The following EPM2AIP1 variants were observed in gnomAD, a reference collection of about 807,000 sequenced individuals.
EPM2AIP1 encodes EPM2A-interacting protein 1.
EPM2AIP1 carries 23 observed loss-of-function variants against 44.8 expected under a neutral mutation model. That is an observed-to-expected ratio of 0.51 (90% CI 0.37 to 0.73). EPM2AIP1 has a LOEUF of 0.73. Ranked by LOEUF, EPM2AIP1 falls within the 30% of genes least tolerant of loss-of-function variation. The pLI is 0.00. For synonymous variants in EPM2AIP1, 311 were observed against 284.3 expected (o/e 1.09, Z -0.94); for missense variants, 652 against 743.9 (o/e 0.88, Z 1.44).
In EPM2AIP1 at chr3:36,992,523, C is replaced by A. The variant is rs759313495; in HGVS notation, c.555G>T (p.Val185=). ...YSLALDDQAF[V]AYENYLLVFI... is the part of the protein sequence containing the mutation. The stretch of plus-strand genomic sequence containing the variant: ...AGACCAGGAGGTAGTTCTCATAGGC[C>A]ACAAAAGCCTGGTCGTCCAAGGCAA... Residue 185 remains valine (V), a synonymous_variant, in exon 1 of 1, where the codon GTG becomes GTT. Transcript: ENST00000322716. This position sits in a 1 kb window ranked among gnomAD's most constrained non-coding sequence, Gnocchi z 5.3. 48 of 1,613,862 alleles carry A rather than the reference C, an allele frequency of 3.0e-5. No homozygotes were observed. Among genetic ancestry groups the A allele is most frequent in the Non-Finnish European group, 3.9e-5 (46 of 1,179,886 alleles).
At position 36,987,429 on chromosome 3, in the gene EPM2AIP1, TAAAAA is replaced by T. The variant is rs10575530; in HGVS notation, c.*3820_*3824del. 2.0e-4 allele frequency: 28 copies of T among 141,714 alleles called. 1 individual carries two copies. Among genetic ancestry groups the T allele is most frequent in the African/African-American group, 4.1e-4 (16 of 38,938 alleles). 8.8% of individuals were successfully genotyped at this position (141,714 alleles called of 1,614,324 possible). A position where few individuals can be genotyped will look rare whatever the true frequency, so the allele number is the denominator to read the frequency against. On this transcript the variant is annotated 3_prime_UTR_variant, in exon 1 of 1. Coordinates refer to ENST00000322716, the MANE Select transcript of EPM2AIP1 (RefSeq NM_014805.4). The stretch of plus-strand genomic sequence containing the variant: ...CTATATGTAGGTTCCTTTGGAAATT[TAAAAA>T]AAAAAAAAAAATATATATATATATA...
rs923574927 is a variant in EPM2AIP1, at chr3:36,992,253, G to C, written c.825C>G (p.Val275=). 1 of 1,613,990 alleles carries C rather than the reference G, an allele frequency of 6.2e-7. No individual in the cohort carries two copies. The highest frequency in any genetic ancestry group is 8.5e-7 in the Non-Finnish European group (1 of 1,179,902). Residue 275 remains valine (V), a synonymous_variant, in exon 1 of 1, where the codon GTC becomes GTG. Transcript: ENST00000322716. The surrounding 1 kb of genome is among the most constrained non-coding windows in gnomAD (Gnocchi z 5.3). ...AGTGAAGAAATCCTGAATAATGAAT[G>C]ACATTCCAACAGTTGGGGCTTACGG... ...EKAVSPNCWN[V]IHYSGFLHLE...
rs1371193947 is a variant in EPM2AIP1, at chr3:36,990,087, A to G, written c.*1167T>C. On this transcript the variant is annotated 3_prime_UTR_variant, in exon 1 of 1. Transcript: ENST00000322716. ...ACTTTAAGATTGCCTTTTCATGGTG[A>G]ACAGAAGTTTGGAAATTACTGTTTT... 1 of 152,256 alleles carries G rather than the reference A, an allele frequency of 6.6e-6. No individual in the cohort carries two copies. Among genetic ancestry groups the G allele is most frequent in the East Asian group, 1.9e-4 (1 of 5,206 alleles). The allele number at this position is 152,256 out of a possible 1,614,324, so 9.4% of individuals were successfully genotyped here.
In EPM2AIP1 at chr3:36,992,316, A is replaced by T; in HGVS notation, c.762T>A (p.Gly254=). Residue 254 remains glycine (G), a synonymous_variant, in exon 1 of 1, where the codon GGT becomes GGA. Coordinates refer to ENST00000322716, the MANE Select transcript of EPM2AIP1 (RefSeq NM_014805.4). This position sits in a 1 kb window ranked among gnomAD's most constrained non-coding sequence, Gnocchi z 5.3. ...LTTTHTLRMI[G]ENSGLVSYMR... ...TGTATGAGACGAGTCCTGAGTTCTC[A>T]CCAATCATCCTCAAAGTATGGGTCG... 6.2e-7 allele frequency: 1 copy of T among 1,613,938 alleles called. No individual in the cohort carries two copies. The highest frequency in any genetic ancestry group is 8.5e-7 in the Non-Finnish European group (1 of 1,179,880).
In EPM2AIP1 at chr3:36,992,676, G is replaced by A. The variant is rs781383643; in HGVS notation, c.402C>T (p.Pro134=). 2 of 1,613,898 alleles carry A rather than the reference G, an allele frequency of 1.2e-6. No individual in the cohort carries two copies. Among genetic ancestry groups the A allele is most frequent in the East Asian group, 4.5e-5 (2 of 44,884 alleles). ...CGCCTTGCAGGACGCTTACATGCTC[G>A]GGCAGTACCTCTCTCAGCAACACCT... The part of the protein sequence containing the change: ...CMEVLLREVL[P]EHVSVLQGVD... The change falls in exon 1 of 1, where the codon CCC becomes CCT. Residue 134 remains proline, a synonymous_variant. Coordinates refer to ENST00000322716, the MANE Select transcript of EPM2AIP1 (RefSeq NM_014805.4). The surrounding 1 kb of genome is among the most constrained non-coding windows in gnomAD (Gnocchi z 5.3).
Position 36,987,744 on chromosome 3 carries a change from T to A in EPM2AIP1, c.*3510A>T, listed in dbSNP as rs1319384638. 2 of 152,228 alleles carry A rather than the reference T, an allele frequency of 1.3e-5. No individual in the cohort carries two copies. The highest frequency in any genetic ancestry group is 4.8e-5 in the African/African-American group (2 of 41,466). 9.4% of individuals were successfully genotyped at this position (152,228 alleles called of 1,614,324 possible). A position where few individuals can be genotyped will look rare whatever the true frequency, so the allele number is the denominator to read the frequency against. ...GTCCCTAGTTACAAAGAACTTGTCTTCATTTTTCAATTAGTAATATGTGGA... is the reference window on the plus strand; with the variant it reads ...GTCCCTAGTTACAAAGAACTTGTCTACATTTTTCAATTAGTAATATGTGGA... On this transcript the variant is annotated 3_prime_UTR_variant, in exon 1 of 1. Transcript: ENST00000322716.
rs2080776557 is a variant in EPM2AIP1, at chr3:36,987,475, A to T, written c.*3779T>A. ...TATATATATATGACACTGTTTACAA[A>T]GGGTAAAAAAAAATAAGATTCTATA... On this transcript the variant is annotated 3_prime_UTR_variant, in exon 1 of 1. Transcript: ENST00000322716. 6.7e-6 allele frequency: 1 copy of T among 149,838 alleles called. No individual in the cohort carries two copies. The highest frequency in any genetic ancestry group is 2.4e-5 in the African/African-American group (1 of 41,082). The allele number at this position is 149,838 out of a possible 1,614,324, so 9.3% of individuals were successfully genotyped here. A position where few individuals can be genotyped will look rare whatever the true frequency, so the allele number is the denominator to read the frequency against.
In EPM2AIP1 at chr3:36,989,694, T is replaced by C. The variant is rs1394229794; in HGVS notation, c.*1560A>G. ...CATTGTGCCAGGCTGTCCCATGCAC[T>C]GCAGGGGTGAGTGTCTTTAGGCTTA... On this transcript the variant is annotated 3_prime_UTR_variant, in exon 1 of 1. Coordinates refer to ENST00000322716, the MANE Select transcript of EPM2AIP1 (RefSeq NM_014805.4). The C allele has an allele frequency of 1.3e-5, 2 of 152,114 alleles. No individual in the cohort carries two copies. The highest frequency in any genetic ancestry group is 4.8e-5 in the African/African-American group (2 of 41,412). 9.4% of individuals were successfully genotyped at this position (152,114 alleles called of 1,614,324 possible).
In EPM2AIP1 at chr3:36,992,795, C is replaced by T; in HGVS notation, c.283G>A (p.Glu95Lys). ...CCGAGGCCTGCACGAGCAGCTCTCT[C>T]TTCAGGAGTGAAGGAGGCCACGGGC... is the stretch of plus-strand genomic sequence containing the variant. ...DLPVASFTPE[E>K]RAARAGLGLC... Residue 95 changes from glutamate to lysine, a missense_variant, in exon 1 of 1, where the codon GAG (glutamate) becomes AAG (lysine). Glu to Lys is a moderately conservative substitution (Grantham distance 56). Transcript: ENST00000322716. This position sits in a 1 kb window ranked among gnomAD's most constrained non-coding sequence, Gnocchi z 5.3. The T allele has an allele frequency of 6.2e-7, 1 of 1,613,386 alleles. No homozygotes were observed.
rs1575363766 is a variant in EPM2AIP1 at position 36,987,325 on chromosome 3, T to G, written c.*3929A>C. ...GATTATTAACTCTTAGGCGGCATTA[T>G]CTTTTTCCAATACTAAATGTAACAT... is the stretch of plus-strand genomic sequence containing the variant. On this transcript the variant is annotated 3_prime_UTR_variant, in exon 1 of 1. Coordinates refer to ENST00000322716, the MANE Select transcript of EPM2AIP1 (RefSeq NM_014805.4). 1 of 152,624 alleles carries G rather than the reference T, an allele frequency of 6.6e-6. No homozygotes were observed. Among genetic ancestry groups the G allele is most frequent in the Middle Eastern group, 3.4e-3 (1 of 292 alleles). 9.5% of individuals were successfully genotyped at this position (152,624 alleles called of 1,614,324 possible). A position where few individuals can be genotyped will look rare whatever the true frequency, so the allele number is the denominator to read the frequency against.
Position 36,991,636 on chromosome 3 carries a change from A to C in EPM2AIP1, c.1442T>G (p.Ile481Ser), listed in dbSNP as rs1196784066. The C allele has an allele frequency of 6.2e-7, 1 of 1,613,516 alleles. No individual in the cohort carries two copies. Among genetic ancestry groups the C allele is most frequent in the Admixed American group, 1.7e-5 (1 of 59,986 alleles). ...FERHFKDLRF[I>S]KKDLELFSNP... ...TGAAAAAAGTTCTAAGTCCTTTTTA[A>C]TGAACCTGAGGTCCTTAAAATGTCT... The change falls in exon 1 of 1, where the codon ATT (isoleucine) becomes AGT (serine). Residue 481 changes from isoleucine to serine, a missense_variant. By Grantham distance (142) the Ile-to-Ser change is moderately radical. Transcript: ENST00000322716.
In EPM2AIP1 at chr3:36,991,771, G is replaced by A. The variant is rs2125688966; in HGVS notation, c.1307C>T (p.Ala436Val). The A allele has an allele frequency of 1.2e-6, 2 of 1,613,404 alleles. No individual in the cohort carries two copies. Among genetic ancestry groups the A allele is most frequent in the South Asian group, 1.1e-5 (1 of 91,022 alleles). ...TAGCTCATCAACAACTTCTCTGAGG[G>A]CAGGAAAGTCTGTTAGATTTTTTTC... Reference protein sequence around the residue: ...IEEKNLTDFPALREVVDELKQ... With the variant: ...IEEKNLTDFPVLREVVDELKQ... The change falls in exon 1 of 1, where the codon GCC becomes GTC. Residue 436 changes from alanine to valine, a missense_variant. Transcript: ENST00000322716.
Position 36,988,886 on chromosome 3 carries a change from C to A in EPM2AIP1, c.*2368G>T, listed in dbSNP as rs1205807635. 1 of 146,766 alleles carries A rather than the reference C, an allele frequency of 6.8e-6. No individual in the cohort carries two copies. Among genetic ancestry groups the A allele is most frequent in the Non-Finnish European group, 1.5e-5 (1 of 67,124 alleles). The allele number at this position is 146,766 out of a possible 1,614,324, so 9.1% of individuals were successfully genotyped here. A position where few individuals can be genotyped will look rare whatever the true frequency, so the allele number is the denominator to read the frequency against. ...ATTTTAACTATATTCACTGCTACAA[C>A]AGGACCAGTAACAACTATATTTATT... On this transcript the variant is annotated 3_prime_UTR_variant, in exon 1 of 1. Coordinates refer to ENST00000322716, the MANE Select transcript of EPM2AIP1 (RefSeq NM_014805.4).
chr3:36,990,770 ACCT>A lies in EPM2AIP1; in HGVS notation c.*481_*483del. ...AAACATTTTGATGGTTAGACAAAAC[ACCT>A]CCACTGTTATGTATGGGCTTCCTTT... On this transcript the variant is annotated 3_prime_UTR_variant, in exon 1 of 1. Transcript: ENST00000322716. The A allele has an allele frequency of 1.0e-6, 1 of 985,494 alleles. No homozygotes were observed. The highest frequency in any genetic ancestry group is 1.7e-5 in the African/African-American group (1 of 57,308). The allele number at this position is 985,494 out of a possible 1,614,324, so 61.0% of individuals were successfully genotyped here.
At position 36,992,078 on chromosome 3, in the gene EPM2AIP1, T is replaced by C. The variant is rs2125689353; in HGVS notation, c.1000A>G (p.Asn334Asp). 6.2e-7 allele frequency: 1 copy of C among 1,614,038 alleles called. No individual in the cohort carries two copies. The highest frequency in any genetic ancestry group is 1.3e-5 in the African/African-American group (1 of 75,056). The change falls in exon 1 of 1, where the codon AAT (asparagine) becomes GAT (aspartate). Residue 334 changes from asparagine (N) to aspartate (D), a missense_variant. By Grantham distance (23) the Asn-to-Asp change is conservative. Coordinates refer to ENST00000322716, the MANE Select transcript of EPM2AIP1 (RefSeq NM_014805.4). The surrounding 1 kb of genome is among the most constrained non-coding windows in gnomAD (Gnocchi z 5.3). ...ESESEHGERV[N>D]GRCLNNWLRR... ...AGCCAATTGTTCAGACATCGTCCAT[T>C]AACCCTTTCACCATGCTCTGATTCA...
chr3:36,993,103 C>A lies in EPM2AIP1; in HGVS notation c.-26G>T, dbSNP rs541166554. 10 of 1,575,394 alleles carry A rather than the reference C, an allele frequency of 6.3e-6. No homozygotes were observed. The highest frequency in any genetic ancestry group is 4.6e-5 in the South Asian group (4 of 86,870). On this transcript the variant is annotated 5_prime_UTR_variant, in exon 1 of 1. Coordinates refer to ENST00000322716, the MANE Select transcript of EPM2AIP1 (RefSeq NM_014805.4). ...TCTGCGGGAGGCCACAAGAGCAGGG[C>A]CAACGTTAGAAAGGCCGCAAGGGGA...
chr3:36,991,706 C>G lies in EPM2AIP1; in HGVS notation c.1372G>C (p.Asp458His). 6.2e-7 allele frequency: 1 copy of G among 1,613,116 alleles called. No individual in the cohort carries two copies. Among genetic ancestry groups the G allele is most frequent in the Non-Finnish European group, 8.5e-7 (1 of 1,179,410 alleles). Residue 458 changes from aspartate (D) to histidine (H), a missense_variant, in exon 1 of 1, where the codon GAT becomes CAT. Asp to His is a moderately conservative substitution (Grantham distance 81). Coordinates refer to ENST00000322716, the MANE Select transcript of EPM2AIP1 (RefSeq NM_014805.4). The stretch of plus-strand genomic sequence containing the variant: ...CGACAGATCACCATTTGATACCTAT[C>G]AGGATCAAATATTTTTTCATCTTCC... ...NKEDEKIFDP[D>H]RYQMVICRLQ... is the part of the protein sequence containing the mutation.
rs1174771671 is a variant in EPM2AIP1, at chr3:36,989,578, T to C, written c.*1676A>G. The stretch of plus-strand genomic sequence containing the variant: ...TCTCCTATCTAGTATTCTGTCAGTT[T>C]GCCCAGCTTGTACTTTTAATTTTGC... On this transcript the variant is annotated 3_prime_UTR_variant, in exon 1 of 1. Transcript: ENST00000322716. 2.0e-5 allele frequency: 3 copies of C among 151,966 alleles called. No individual in the cohort carries two copies. Among genetic ancestry groups the C allele is most frequent in the South Asian group, 4.1e-4 (2 of 4,824 alleles). 9.4% of individuals were successfully genotyped at this position (151,966 alleles called of 1,614,324 possible). A position where few individuals can be genotyped will look rare whatever the true frequency, so the allele number is the denominator to read the frequency against.
rs1419555333 is a variant in EPM2AIP1, at chr3:36,991,539, G to A, written c.1539C>T (p.Asn513=). 6.2e-7 allele frequency: 1 copy of A among 1,613,714 alleles called. No homozygotes were observed. The highest frequency in any genetic ancestry group is 1.7e-5 in the Admixed American group (1 of 59,972). Residue 513 remains asparagine (N), a synonymous_variant, in exon 1 of 1, where the codon AAC becomes AAT. Coordinates refer to ENST00000322716, the MANE Select transcript of EPM2AIP1 (RefSeq NM_014805.4). ...TTCTGTATTCATTCCAAAGATTAGT[G>A]TTTGCCTGAAGTTTTGTTAGCTCCA... ...VRVELTKLQA[N]TNLWNEYRIK...
Sources: gnomAD v4.1 joint callset for allele counts on GRCh38, gnomAD v4.1.1 for gene constraint, Gnocchi (gnomAD v3.1) non-coding constraint, MANE v1.5 for transcripts, NCBI Gene and HGNC (gene_info 2026-07-23, HGNC 2026-07-21) for gene names.